Variants in TPP2 observed in about 807,000 individuals in gnomAD.
TPP2 encodes tripeptidyl-peptidase 2.
A neutral mutation model predicts 155.9 loss-of-function variants in TPP2; 34 were observed. That is an observed-to-expected ratio of 0.22 (90% CI 0.17 to 0.29). The LOEUF (loss-of-function observed/expected upper bound fraction) is 0.29, where lower values mean the gene tolerates loss of function less well. Among genes scored for constraint, TPP2 ranks in the 10% least tolerant of loss-of-function variants. The pLI, the probability that TPP2 is intolerant of heterozygous loss-of-function variation, is 1.00. For synonymous variants in TPP2, 510 were observed against 529.4 expected (o/e 0.96, Z 0.50); for missense variants, 1,028 against 1,522.3 (o/e 0.68, Z 5.40).
At chr13:102,623,565 A>G (rs1881329601) in intron 6 of TPP2, among the ~76,000 whole-genome samples, 1 of 152,206 alleles carries the variant, frequency 6.6e-6, no homozygotes. Context: ...CTCCATCTCA[A>G]AAAAAATCCA....
At chr13:102,657,832 G>A (rs979887680) in intron 25 of TPP2, among the ~76,000 whole-genome samples, 1 of 152,074 alleles carries the variant, frequency 6.6e-6, no homozygotes, top group South Asian at 2.1e-4. Context: ...TGCTTTCTGA[G>A]ATGAGTATAA....
chr13:102,663,963 T>G (rs912751946), intron 26 of TPP2, among the ~76,000 whole-genome samples: 3 of 152,228 alleles, frequency 2.0e-5, no homozygotes, highest in African/African-American at 7.2e-5. Context: ...GTCAATGAGA[T>G]TAGTAATAGA....
At chr13:102,601,835 T>C (rs74112106) in intron 1 of TPP2, among the ~76,000 whole-genome samples, 1,628 of 151,910 alleles carry the variant, frequency 0.011, 32 homozygotes, top group African/African-American at 0.037. Flanking sequence ...TTTCTTTATC[T>C]AATATTAAAG....
At chr13:102,634,287 T>C (rs890532299) in intron 11 of TPP2, among the ~76,000 whole-genome samples, 189 bp downstream of exon 11, 3 of 152,190 alleles carry the variant, frequency 2.0e-5, no homozygotes, top group African/African-American at 4.8e-5. Context: ...TTGTTGGCTG[T>C]CCGCTGTTAA....
chr13:102,659,913 T>C (rs1294762609), intron 25 of TPP2, among the ~76,000 whole-genome samples: 1 of 152,218 alleles, frequency 6.6e-6, no homozygotes, highest in East Asian at 1.9e-4. Flanking sequence ...AATGTAATAT[T>C]CTGTAATATG....
At chr13:102,607,874 A>G (rs1397999291) in intron 2 of TPP2, 1 of 220,394 alleles carries the variant, frequency 4.5e-6, no homozygotes, top group Admixed American at 5.7e-5. Context: ...TATAGGCATG[A>G]GCCACCATGC....
In TPP2 at chr13:102,666,361, A is replaced by G. The variant is rs549576978; in HGVS notation, c.3371+1436A>G. ...CTCAGTATTATCTCACAGAAAAAGG[A>G]GCATCGTCTGCCTCCCACCCATCCT... On this transcript the variant is annotated intron_variant, in intron 27 of 29. Transcript: ENST00000376052. 5.9e-3 allele frequency among the ~76,000 whole-genome samples: 893 copies of G among 152,274 alleles called. 9 individuals are homozygous for G. The highest frequency in any genetic ancestry group is 0.02 in the Middle Eastern group (6 of 294).
At chr13:102,613,477 A>T (rs1880470482) in intron 2 of TPP2, among the ~76,000 whole-genome samples, 1 of 152,222 alleles carries the variant, frequency 6.6e-6, no homozygotes, top group African/African-American at 2.4e-5. Context: ...ATGTTGGTTG[A>T]TGCTCAGTTC....
intron 10 of TPP2, among the ~76,000 whole-genome samples, chr13:102,630,435 A>G (rs1162457976): frequency 1.3e-5 from 2 of 152,198 alleles, no homozygotes; most frequent in Non-Finnish European, 1.5e-5. Flanking sequence ...TCCTATATCC[A>G]TAATTCTTCA....
intron 24 of TPP2, chr13:102,654,857 C>A: frequency 2.3e-6 from 1 of 433,976 alleles, no homozygotes; most frequent in Non-Finnish European, 4.7e-6. Context: ...AGAAGATCAG[C>A]TCAGATTTTG....
At chr13:102,630,339 C>T in intron 10 of TPP2, 144 bp downstream of exon 10, 2 of 557,014 alleles carry the variant, frequency 3.6e-6, no homozygotes, top group Non-Finnish European at 6.2e-6. Flanking sequence ...GATTAACAGT[C>T]TCATCTCAGG....
At chr13:102,641,209 A>C (rs1178382079) in intron 16 of TPP2, among the ~76,000 whole-genome samples, 1 of 152,126 alleles carries the variant, frequency 6.6e-6, no homozygotes, top group African/African-American at 2.4e-5. Flanking sequence ...ATTTTCCTTC[A>C]CAAGTTGTGT....
chr13:102,602,793 G>T (rs955330667), intron 1 of TPP2, among the ~76,000 whole-genome samples: 3 of 152,202 alleles, frequency 2.0e-5, no homozygotes, highest in Admixed American at 6.5e-5. Context: ...CGTAAAGAGT[G>T]TGAATTCTCC....
At chr13:102,643,401 C>T in intron 17 of TPP2, 25 bp downstream of exon 17, 1 of 1,563,698 alleles carries the variant, frequency 6.4e-7, no homozygotes, top group East Asian at 2.3e-5. Flanking sequence ...AGTTTATAAT[C>T]CTAACACAAT....
In TPP2 at chr13:102,674,447, C is replaced by T. The variant is rs769198318; in HGVS notation, c.3536C>T (p.Thr1179Ile). The T allele has an allele frequency of 3.1e-6, 5 of 1,613,828 alleles. No homozygotes were observed. Among genetic ancestry groups the T allele is most frequent in the Non-Finnish European group, 4.2e-6 (5 of 1,179,782 alleles). The change falls in exon 28 of 30, where the codon ACA (threonine) becomes ATA (isoleucine). Residue 1179 changes from threonine to isoleucine, a missense_variant. Thr to Ile is a moderately conservative substitution (Grantham distance 89). Around this residue, in one of 7 missense-constraint regions of TPP2, gnomAD observed 116 missense variants for 117.3 expected, o/e 0.99. Transcript: ENST00000376052. ...GESPLDSLAE[T>I]FWETTKWTDL... ...AGTCCTTTGGATTCTCTGGCAGAAA[C>T]ATTTTGGGAAACTACTAAATGGACT...
rs907824570 is a variant in TPP2, at chr13:102,627,101, C to T, written c.874C>T (p.Leu292Phe). 6.2e-7 allele frequency: 1 copy of T among 1,601,352 alleles called. No homozygotes were observed. Among genetic ancestry groups the T allele is most frequent in the African/African-American group, 1.3e-5 (1 of 74,236 alleles). The change falls in exon 7 of 30, where the codon CTT becomes TTT. Residue 292 changes from leucine (L) to phenylalanine (F), a missense_variant. Transcript: ENST00000376052. Reference protein sequence around the residue: ...RNGVAPGAQILSIKIGDTRLS... With the variant: ...RNGVAPGAQIFSIKIGDTRLS... ...TGGGGTAGCTCCTGGTGCTCAAATT[C>T]TTTCCATCAAGATTGGTGATACAAG... is the stretch of plus-strand genomic sequence containing the variant.
intron 25 of TPP2, among the ~76,000 whole-genome samples, chr13:102,662,595 G>A (rs910361096): frequency 1.3e-5 from 2 of 152,068 alleles, no homozygotes; most frequent in Admixed American, 6.6e-5. Context: ...AATTGTTAGC[G>A]AAAAGAGAAA....
chr13:102,627,204 A>G, intron 7 of TPP2, 38 bp downstream of exon 7: 1 of 1,515,884 alleles, frequency 6.6e-7, no homozygotes, highest in Non-Finnish European at 8.8e-7. Flanking sequence ...AAGATTAATG[A>G]TTAATGATCT....
intron 10 of TPP2, among the ~76,000 whole-genome samples, chr13:102,632,401 C>G (rs201172409): frequency 6.6e-6 from 1 of 151,888 alleles, no homozygotes; most frequent in African/African-American, 2.4e-5. Flanking sequence ...ACCACCACAC[C>G]GGGTTAATTT....
Sources: allele counts gnomAD v4.1 joint callset (sites outside exome capture counted in the v4.1 genomes callset), GRCh38; gene constraint gnomAD v4.1.1; regional missense constraint gnomAD v4.1.1; transcripts MANE v1.5; gene names NCBI Gene and HGNC (gene_info 2026-07-23, HGNC 2026-07-21).